Variants in RRM2 observed in about 807,000 individuals in gnomAD.
RRM2 encodes the protein ribonucleoside-diphosphate reductase subunit M2.
Under a neutral mutation model 45.9 loss-of-function variants are expected in RRM2, and 6 were observed. That is an observed-to-expected ratio of 0.13 (90% CI 0.07 to 0.26). The LOEUF is 0.26. Ranked by LOEUF, RRM2 falls within the 10% of genes least tolerant of loss-of-function variation. The pLI is 1.00. For synonymous variants in RRM2, 177 were observed against 173.0 expected (o/e 1.02, Z -0.18); for missense variants, 343 against 489.5 (o/e 0.70, Z 2.82).
intron 3 of RRM2, among the ~76,000 whole-genome samples, chr2:10,164,010 G>A (rs1465775292): frequency 9.5e-5 from 7 of 73,624 alleles, no homozygotes; most frequent in East Asian, 3.6e-4. Context: ...GAATGTGTGC[G>A]TGTGTGTGTG....
At chr2:10,177,710 TCTCC>T (rs933758369) in intron 3 of RRM2, among the ~76,000 whole-genome samples, 1 of 116,488 alleles carries the variant, frequency 8.6e-6, no homozygotes, top group East Asian at 3.8e-4. Context: ...TTCCTTCCTC[TCTCC>T]CTCCCTCCCT....
At chr2:10,157,897 T>G (rs1246537306) in intron 3 of RRM2, among the ~76,000 whole-genome samples, 1 of 152,174 alleles carries the variant, frequency 6.6e-6, no homozygotes, top group Non-Finnish European at 1.5e-5. Context: ...CGTAACCTAG[T>G]AGAATGCCTA....
At chr2:10,187,258 CCTT>C (rs1392658379) in intron 3 of RRM2, among the ~76,000 whole-genome samples, 2 of 152,230 alleles carry the variant, frequency 1.3e-5, no homozygotes, top group African/African-American at 2.4e-5. Flanking sequence ...GGTTAATTGT[CCTT>C]CTGGATAGCT....
chr2:10,127,233 C>A lies in RRM2; in HGVS notation c.798+13C>A, dbSNP rs769664148. The A allele has an allele frequency of 6.2e-7, 1 of 1,610,542 alleles. No homozygotes were observed. Among genetic ancestry groups the A allele is most frequent in the Non-Finnish European group, 8.5e-7 (1 of 1,179,020 alleles). ...TAGCAGAGATGAGGTGAGTCTAAGT[C>A]AAATAATAGGGTGACCTAAACCCCA... is the stretch of plus-strand genomic sequence containing the variant. On this transcript the variant is annotated intron_variant, in intron 7 of 9. Transcript: ENST00000304567. The surrounding 1 kb of genome is among the most constrained non-coding windows in gnomAD (Gnocchi z 4.1).
chr2:10,131,735 T>TG (rs762795686), downstream of RRM2, among the ~76,000 whole-genome samples: 12 of 151,926 alleles, frequency 7.9e-5, no homozygotes, highest in African/African-American at 1.5e-4. Flanking sequence ...TGAGACTGTC[T>TG]GAAAAAAAAA....
chr2:10,141,800 G>A (rs980141076), intron 1 of RRM2: 93 of 1,548,566 alleles, frequency 6.0e-5, no homozygotes, highest in Non-Finnish European at 7.5e-5. Context: ...CTGGGGCTGG[G>A]AGGCGGTTGC....
chr2:10,128,021 C>T (rs998532052), intron 7 of RRM2, among the ~76,000 whole-genome samples: 1 of 151,728 alleles, frequency 6.6e-6, no homozygotes, highest in African/African-American at 2.4e-5. Context: ...AAAAAATTAG[C>T]CGGGTATGGT....
intron 7 of RRM2, 67 bp from the exon 8 acceptor site, chr2:10,128,781 T>A: frequency 2.6e-6 from 3 of 1,138,306 alleles, no homozygotes; most frequent in Non-Finnish European, 4.0e-6. Context: ...AAGGACAAAG[T>A]AATTTCATAT....
chr2:10,161,034 A>C (rs749782304), intron 3 of RRM2, among the ~76,000 whole-genome samples: 1 of 152,120 alleles, frequency 6.6e-6, no homozygotes, highest in Non-Finnish European at 1.5e-5. Context: ...GCTACACAGC[A>C]CTGAGCTCCA....
chr2:10,193,010 C>A (rs1330266793), intron 3 of RRM2, among the ~76,000 whole-genome samples: 1 of 152,240 alleles, frequency 6.6e-6, no homozygotes, highest in African/African-American at 2.4e-5. Context: ...CTCACACAGA[C>A]CTGCCCTGGG....
chr2:10,208,356 T>C (rs576403771), intron 3 of RRM2, among the ~76,000 whole-genome samples: 1 of 152,196 alleles, frequency 6.6e-6, no homozygotes. Flanking sequence ...TTTGAAAATG[T>C]ACATTGCTCT....
At chr2:10,141,036 C>CA (rs1558385399), upstream of RRM2, among the ~76,000 whole-genome samples, 1 of 152,110 alleles carries the variant, frequency 6.6e-6, no homozygotes, top group Admixed American at 6.5e-5. Flanking sequence ...GCATCTCGCC[C>CA]ACGTCGCTGT....
intron 3 of RRM2, among the ~76,000 whole-genome samples, chr2:10,150,645 A>AC (rs936309705): frequency 1.3e-5 from 2 of 151,808 alleles, no homozygotes; most frequent in African/African-American, 4.8e-5. Flanking sequence ...ACATCCTGTC[A>AC]CCCTCCACAG....
chr2:10,144,681 G>A (rs971319757), intron 3 of RRM2, among the ~76,000 whole-genome samples: 3 of 152,208 alleles, frequency 2.0e-5, no homozygotes, highest in Admixed American at 6.5e-5. Flanking sequence ...GAAGGGCTCC[G>A]GAGATATTTA....
chr2:10,178,890 G>A (rs72788313), intron 3 of RRM2, among the ~76,000 whole-genome samples: 39,186 of 152,040 alleles, frequency 0.26, 6,167 homozygotes, highest in Non-Finnish European at 0.36. Context: ...CTTTAACCAC[G>A]TGAGGACACA....
In RRM2 at chr2:10,169,319, G is replaced by A. The variant is rs1663747069; in HGVS notation, n.482+26944G>A. 6.6e-6 allele frequency among the ~76,000 whole-genome samples: 1 copy of A among 152,036 alleles called. No homozygotes were observed. Among genetic ancestry groups the A allele is most frequent in the African/African-American group, 2.4e-5 (1 of 41,386 alleles). ...TCCCAAGTTGAAGCACCCCCTTCAG[G>A]TGTAGTTTTAGACGTGCAACATGAG... On this transcript the variant is annotated intron_variant and non_coding_transcript_variant, in intron 3 of 3. Coordinates refer to the RRM2 transcript ENST00000381786. This position sits in a 1 kb window ranked among gnomAD's most constrained non-coding sequence, Gnocchi z 5.1.
chr2:10,143,684 T>C (rs764945886), intron 3 of RRM2, among the ~76,000 whole-genome samples: 15 of 152,182 alleles, frequency 9.9e-5, no homozygotes, highest in Admixed American at 9.8e-4. Flanking sequence ...ATTTTTTTTT[T>C]TCTTTGAGAC....
At chr2:10,197,010 C>T (rs1471663487) in intron 3 of RRM2, among the ~76,000 whole-genome samples, 1 of 152,134 alleles carries the variant, frequency 6.6e-6, no homozygotes, top group East Asian at 1.9e-4. Context: ...GCCAGCTCAG[C>T]TCACCCCAGT....
In RRM2 at chr2:10,130,085, TAG is replaced by T. The variant is rs1178627643; in HGVS notation, c.*702_*703del. ...CCTGGGATTCTCTGCCCCCTCTGAG[TAG>T]AGTGTTGTGGGATAAAGGAATCTCT... is the stretch of plus-strand genomic sequence containing the variant. On this transcript the variant is annotated 3_prime_UTR_variant, in exon 10 of 10. Coordinates refer to ENST00000304567, the MANE Select transcript of RRM2 (RefSeq NM_001034.4). The T allele has an allele frequency of 4.6e-5, 7 of 152,156 alleles. No homozygotes were observed. The highest frequency in any genetic ancestry group is 1.7e-4 in the African/African-American group (7 of 41,428). 9.4% of individuals were successfully genotyped at this position (152,156 alleles called of 1,614,324 possible). A position where few individuals can be genotyped will look rare whatever the true frequency, so the allele number is the denominator to read the frequency against.
Sources: gnomAD v4.1 joint callset for allele counts (sites outside exome capture counted in the v4.1 genomes callset) on GRCh38, gnomAD v4.1.1 for gene constraint, Gnocchi (gnomAD v3.1) non-coding constraint, MANE v1.5 for transcripts, NCBI Gene and HGNC (gene_info 2026-07-23, HGNC 2026-07-21) for gene names.